The following GREB1 variants were observed in gnomAD, a reference collection of about 807,000 sequenced individuals.
GREB1 encodes growth regulating estrogen receptor binding 1.
GREB1 carries 106 observed loss-of-function variants against 200.7 expected under a neutral mutation model. The ratio of observed to expected loss-of-function variants is 0.53; its 90% confidence interval spans 0.45 to 0.62. The LOEUF is 0.62. GREB1 is among the 20% of genes least tolerant of loss of function. GREB1 has a pLI of 0.00. For synonymous variants in GREB1, 1,132 were observed against 1,092.4 expected, an observed-to-expected ratio of 1.04 and a Z score of -0.72; for missense variants, 2,243 against 2,556.8, an observed-to-expected ratio of 0.88 and a Z score of 2.65.
At chr2:11,624,281 G>T (rs1196725293) in intron 23 of GREB1, among the ~76,000 whole-genome samples, 1 of 149,182 alleles carries the variant, frequency 6.7e-6, no homozygotes, top group Non-Finnish European at 1.5e-5. Context: ...ACAGTGCACT[G>T]TTTTACATTT....
chr2:11,631,824 G>A lies in GREB1; in HGVS notation c.4612-85G>A, dbSNP rs3792032. On this transcript the variant is annotated intron_variant, in intron 26 of 32. Coordinates refer to ENST00000381486, the MANE Select transcript of GREB1 (RefSeq NM_014668.4). ...GTAGGCATGGTCATCATTCTTTGAC[G>A]GAAAATACTGCAAAGTCACATGTCA... 70,002 of 1,043,318 alleles carry A rather than the reference G, an allele frequency of 0.067. 3,791 individuals are homozygous for A. Among genetic ancestry groups the A allele is most frequent in the East Asian group, 0.19 (7,785 of 41,454 alleles). 64.6% of individuals were successfully genotyped at this position (1,043,318 alleles called of 1,614,324 possible). A position where few individuals can be genotyped will look rare whatever the true frequency, so the allele number is the denominator to read the frequency against.
intron 7 of GREB1, 180 bp downstream of exon 7, chr2:11,581,012 G>A: frequency 1.3e-6 from 1 of 757,500 alleles, no homozygotes; most frequent in Non-Finnish European, 2.4e-6. Context: ...CCCAGGCCCT[G>A]GTGCTCTATG....
intron 17 of GREB1, among the ~76,000 whole-genome samples, chr2:11,607,859 A>G (rs1345041582): frequency 6.6e-6 from 1 of 152,172 alleles, no homozygotes; most frequent in East Asian, 1.9e-4. Flanking sequence ...AAGGTTGAAC[A>G]AATAAACCAT....
intron 15 of GREB1, 149 bp downstream of exon 15, chr2:11,599,009 A>C (rs1362574264): frequency 1.9e-5 from 13 of 692,006 alleles, no homozygotes; most frequent in Non-Finnish European, 3.3e-5. Context: ...GAGGTTTCCC[A>C]CAATCTTGAG....
chr2:11,608,205 A>G (rs946756174), intron 17 of GREB1, among the ~76,000 whole-genome samples: 4 of 152,226 alleles, frequency 2.6e-5, no homozygotes, highest in African/African-American at 9.7e-5. Flanking sequence ...TTTATTTTCT[A>G]TCTACGACAT....
rs375987814 is a variant in GREB1 at position 11,548,907 on chromosome 2, A to G, written c.-161-7547A>G. Among the ~76,000 whole-genome samples the G allele has an allele frequency of 1.3e-5, 2 of 151,948 alleles. No individual in the cohort carries two copies. The highest frequency in any genetic ancestry group is 3.9e-4 in the East Asian group (2 of 5,190). On this transcript the variant is annotated intron_variant, in intron 1 of 32. Coordinates refer to ENST00000381486, the MANE Select transcript of GREB1 (RefSeq NM_014668.4). The surrounding 1 kb of genome is among the most constrained non-coding windows in gnomAD (Gnocchi z 5.1). ...TTGTTGAGTATTCTAGGTAGGGAAA[A>G]TTTTCCCTTAAAATTTTCCGGGCAT...
In GREB1 at chr2:11,556,733, T is replaced by C; in HGVS notation, c.119T>C (p.Leu40Pro). 6.2e-7 allele frequency: 1 copy of C among 1,614,182 alleles called. No individual in the cohort carries two copies. Among genetic ancestry groups the C allele is most frequent in the South Asian group, 1.1e-5 (1 of 91,064 alleles). The change falls in exon 2 of 33, where the codon CTG becomes CCG. Residue 40 changes from leucine (L) to proline (P), a missense_variant. Coordinates refer to ENST00000381486, the MANE Select transcript of GREB1 (RefSeq NM_014668.4). ...NLVPRPIFSQ[L>P]YLEAEQQLAA... is the part of the protein sequence containing the mutation. The stretch of plus-strand genomic sequence containing the variant: ...GTGCCCAGGCCCATCTTTTCCCAGC[T>C]GTACCTGGAAGCTGAGCAGCAGCTT...
rs749481188 is a variant in GREB1, at chr2:11,618,458, G to T, written c.3583G>T (p.Gly1195Trp). 1.2e-6 allele frequency: 2 copies of T among 1,605,350 alleles called. No homozygotes were observed. Among genetic ancestry groups the T allele is most frequent in the East Asian group, 2.2e-5 (1 of 44,462 alleles). Residue 1195 changes from glycine (G) to tryptophan (W), a missense_variant, in exon 22 of 33, where the codon GGG becomes TGG. This residue lies in a region of GREB1 where 587 missense variants were observed against 553.1 expected (regional missense o/e 1.06). Transcript: ENST00000381486. ...PPSAISRHSP[G>W]PTPQPDCSLR... is the part of the protein sequence containing the mutation. ...CTCGGCCATCAGCAGGCACAGTCCC[G>T]GGCCGACGCCCCAGCCCGACTGTAG...
chr2:11,585,959 T>A (rs1680042571), intron 9 of GREB1, 54 bp downstream of exon 9: 1 of 1,589,448 alleles, frequency 6.3e-7, no homozygotes, highest in Non-Finnish European at 8.6e-7. Context: ...AAGGAAGGCA[T>A]GAGAAACAGG....
At chr2:11,566,686 TC>T (rs1370425951) in intron 4 of GREB1, 30 bp downstream of exon 4, 2 of 1,584,158 alleles carry the variant, frequency 1.3e-6, no homozygotes, top group Non-Finnish European at 1.7e-6. Flanking sequence ...CCTCTGTGGC[TC>T]CTTCTGCATG....
intron 10 of GREB1, 77 bp downstream of exon 10, chr2:11,589,008 G>A (rs192751866): frequency 3.4e-6 from 4 of 1,168,170 alleles, no homozygotes; most frequent in East Asian, 2.4e-5. Context: ...CGGCCCTCGT[G>A]GGGGCTGACT....
At chr2:11,490,476 TA>T (rs1366569122) in intron 1 of GREB1, among the ~76,000 whole-genome samples, 1 of 152,264 alleles carries the variant, frequency 6.6e-6, no homozygotes. Flanking sequence ...ATGTTTGGGT[TA>T]TTTCACTTTT....
chr2:11,626,839 TC>T (rs2148401741), intron 24 of GREB1, 122 bp from the exon 25 acceptor site: 1 of 992,910 alleles, frequency 1.0e-6, no homozygotes, highest in Non-Finnish European at 1.6e-6. Flanking sequence ...GAGGCAGTCC[TC>T]CCCAACCAGA....
At chr2:11,634,710 A>C (rs908459145) in intron 29 of GREB1, among the ~76,000 whole-genome samples, 6 of 152,130 alleles carry the variant, frequency 3.9e-5, no homozygotes, top group African/African-American at 1.4e-4. Flanking sequence ...CAGAGGATTC[A>C]ATTGCTCAGT....
rs1682421243 is a variant in GREB1 at position 11,607,450 on chromosome 2, GTGTGTGTGTGTATATATA to G, written c.2667-3236_2667-3219del. On this transcript the variant is annotated intron_variant, in intron 17 of 32. Coordinates refer to ENST00000381486, the MANE Select transcript of GREB1 (RefSeq NM_014668.4). ...TGTATGTGTGTGTGTGTGTGTGTGT[GTGTGTGTGTGTATATATA>G]TATACACACACATACATATATATAC... 3.0e-5 allele frequency among the ~76,000 whole-genome samples: 3 copies of G among 99,902 alleles called. 1 individual carries two copies. The highest frequency in any genetic ancestry group is 1.1e-4 in the Admixed American group (1 of 9,500). 65.5% of individuals were successfully genotyped at this position (99,902 alleles called of 152,430 possible).
rs908375054 is a variant in GREB1, at chr2:11,597,023, G to A, written c.1955-758G>A. Among the ~76,000 whole-genome samples, 20 of 151,948 alleles carry A rather than the reference G, an allele frequency of 1.3e-4. No homozygotes were observed. Among genetic ancestry groups the A allele is most frequent in the Admixed American group, 1.0e-3 (16 of 15,270 alleles). ...TGGGCATAGCTGTGTGCAGTGAGAG[G>A]CGCCAATGGGCACAGGTGTGCACCG... On this transcript the variant is annotated intron_variant, in intron 13 of 32. Coordinates refer to ENST00000381486, the MANE Select transcript of GREB1 (RefSeq NM_014668.4). This position sits in a 1 kb window ranked among gnomAD's most constrained non-coding sequence, Gnocchi z 4.1.
At position 11,525,665 on chromosome 2, in the gene GREB1, C is replaced by A. The variant is rs144916935; in HGVS notation, c.-158-30792C>A. ...ACTCTTGGTGATAGGGAAGCACTAACTGCAGGGTGTAAGACACCACTCTCC... is the reference window on the plus strand; with the variant it reads ...ACTCTTGGTGATAGGGAAGCACTAAATGCAGGGTGTAAGACACCACTCTCC... On this transcript the variant is annotated intron_variant, in intron 1 of 2. Coordinates refer to the GREB1 transcript ENST00000628795. Among the ~76,000 whole-genome samples the A allele has an allele frequency of 1.4e-3, 207 of 152,270 alleles. 2 individuals are homozygous for A. The highest frequency in any genetic ancestry group is 4.8e-3 in the African/African-American group (198 of 41,556).
intron 17 of GREB1, 67 bp from the exon 18 acceptor site, chr2:11,610,621 G>C: frequency 8.1e-7 from 1 of 1,231,084 alleles, no homozygotes; most frequent in African/African-American, 1.5e-5. Flanking sequence ...GATGTCTTGG[G>C]TGACTTGGCA....
intron 28 of GREB1, 30 bp from the exon 29 acceptor site, chr2:11,634,101 C>T (rs778699413): frequency 2.7e-5 from 43 of 1,592,098 alleles, no homozygotes; most frequent in Non-Finnish European, 3.7e-5. Context: ...GTGTGTCAGC[C>T]TAGGGACTCA....
Sources: allele counts gnomAD v4.1 joint callset (sites outside exome capture counted in the v4.1 genomes callset), GRCh38; gene constraint gnomAD v4.1.1; regional missense constraint gnomAD v4.1.1; non-coding constraint Gnocchi (gnomAD v3.1); transcripts MANE v1.5; gene names NCBI Gene and HGNC (gene_info 2026-07-23, HGNC 2026-07-21).